The following TRERF1 variants were observed in gnomAD, a reference collection of about 807,000 sequenced individuals.
The protein encoded by TRERF1 is transcriptional regulating factor 1.
Under a neutral mutation model 122.9 loss-of-function variants are expected in TRERF1, and 27 were observed. The observed-to-expected ratio is 0.22, with a 90% confidence interval of 0.16 to 0.30. The LOEUF (loss-of-function observed/expected upper bound fraction) is 0.30, where lower values mean the gene tolerates loss of function less well. Ranked by LOEUF, TRERF1 falls within the 10% of genes least tolerant of loss-of-function variation. The probability of loss-of-function intolerance (pLI) is 1.00; values close to 1 mark genes in which losing one functional copy is unlikely to be tolerated. For synonymous variants in TRERF1, 636 were observed against 641.7 expected (o/e 0.99, Z 0.13); for missense variants, 1,248 against 1,560.3 (o/e 0.80, Z 3.37).
At chr6:42,335,877 T>C (rs1239180122) in intron 3 of TRERF1, among the ~76,000 whole-genome samples, 2 of 152,222 alleles carry the variant, frequency 1.3e-5, no homozygotes, top group Admixed American at 6.5e-5. Context: ...TGCCTGTTTA[T>C]GTAATAAACA....
chr6:42,434,548 A>G (rs1024569248), intron 2 of TRERF1, among the ~76,000 whole-genome samples: 2 of 151,790 alleles, frequency 1.3e-5, no homozygotes, highest in Admixed American at 1.3e-4. Context: ...TCTCCCAAAT[A>G]TGAAGGTGAA....
At chr6:42,292,260 CA>C (rs1420516969) in intron 4 of TRERF1, among the ~76,000 whole-genome samples, 1 of 152,170 alleles carries the variant, frequency 6.6e-6, no homozygotes, top group Admixed American at 6.5e-5. Flanking sequence ...GTTTCCTGGA[CA>C]ACCTTCAGCC....
intron 3 of TRERF1, among the ~76,000 whole-genome samples, chr6:42,337,402 T>C (rs1356875053): frequency 6.6e-6 from 1 of 152,176 alleles, no homozygotes; most frequent in African/African-American, 2.4e-5. Context: ...CTGGAGCAGG[T>C]CTGAGGCCCC....
At chr6:42,274,346 C>T (rs1244328527) in intron 4 of TRERF1, among the ~76,000 whole-genome samples, 2 of 152,148 alleles carry the variant, frequency 1.3e-5, no homozygotes, top group African/African-American at 4.8e-5. Flanking sequence ...GGGCCTAGAA[C>T]AGTGCCTCGC....
At chr6:42,346,201 GACCTCA>G (rs1768243672) in intron 3 of TRERF1, among the ~76,000 whole-genome samples, 1 of 152,186 alleles carries the variant, frequency 6.6e-6, no homozygotes, top group African/African-American at 2.4e-5. Context: ...ACAGGAGGTG[GACCTCA>G]GCACCTGTCA....
rs72856334 is a variant in TRERF1 at position 42,268,498 on chromosome 6, T to C, written c.1093A>G (p.Thr365Ala). The change falls in exon 5 of 18, where the codon ACT becomes GCT. Residue 365 changes from threonine to alanine, a missense_variant. By Grantham distance (58) the Thr-to-Ala change is moderately conservative. This residue lies in a region of TRERF1 where 946 missense variants were observed against 1,073.0 expected (regional missense o/e 0.88). Coordinates refer to ENST00000372922, the Ensembl canonical transcript of TRERF1. This position sits in a 1 kb window ranked among gnomAD's most constrained non-coding sequence, Gnocchi z 4.4. Reference sequence around the variant, plus strand: ...GAGCCCAGGGGAATCAGCTGGACAGTGTGTGCCTGCTCTGGGGTATACTGG... The same window carrying C: ...GAGCCCAGGGGAATCAGCTGGACAGCGTGTGCCTGCTCTGGGGTATACTGG... 6.1e-4 allele frequency: 984 copies of C among 1,612,996 alleles called. 1 individual carries two copies. Among genetic ancestry groups the C allele is most frequent in the Non-Finnish European group, 7.6e-4 (901 of 1,179,456 alleles).
At chr6:42,403,210 T>TA (rs1399827080) in intron 2 of TRERF1, among the ~76,000 whole-genome samples, 5 of 151,646 alleles carry the variant, frequency 3.3e-5, no homozygotes, top group Admixed American at 2.6e-4. Context: ...AAAAAGCAGG[T>TA]AAAAACGAGG....
chr6:42,292,018 AACTT>A (rs1383205096), intron 4 of TRERF1, among the ~76,000 whole-genome samples: 1 of 152,164 alleles, frequency 6.6e-6, no homozygotes, highest in African/African-American at 2.4e-5. Flanking sequence ...AGGCCTATCT[AACTT>A]CGCTTTTGAG....
At position 42,269,918 on chromosome 6, in the gene TRERF1, C is replaced by T. The variant is rs1452302625; in HGVS notation, c.-258-70G>A. ...TTTTGTGATGAGCAATTGATATCCA[C>T]CATGACCAGTGATAAAAATAAACAT... On this transcript the variant is annotated intron_variant, in intron 4 of 17. Coordinates refer to ENST00000372922, the Ensembl canonical transcript of TRERF1. This position sits in a 1 kb window ranked among gnomAD's most constrained non-coding sequence, Gnocchi z 4.9. 1.7e-5 allele frequency: 5 copies of T among 292,196 alleles called. No individual in the cohort carries two copies. The Admixed American group carries it at 2.4e-4, about 14-fold the overall frequency. 18.1% of individuals were successfully genotyped at this position (292,196 alleles called of 1,614,324 possible).
chr6:42,343,624 C>T (rs1283431264), intron 3 of TRERF1, among the ~76,000 whole-genome samples: 1 of 152,114 alleles, frequency 6.6e-6, no homozygotes, highest in African/African-American at 2.4e-5. Flanking sequence ...AAGGACAGAG[C>T]GTATGTGCAC....
At position 42,239,950 on chromosome 6, in the gene TRERF1, G is replaced by C. The variant is rs377191681; in HGVS notation, c.2859+3298C>G. On this transcript the variant is annotated intron_variant, in intron 15 of 17. Transcript: ENST00000372922. Reference sequence around the variant, plus strand: ...AGTAATGAGGGTGTGGACACTCCTGGCCCAGCCTAACACTGGCTCCTGGTG... The same window carrying C: ...AGTAATGAGGGTGTGGACACTCCTGCCCCAGCCTAACACTGGCTCCTGGTG... Among the ~76,000 whole-genome samples the C allele has an allele frequency of 1.1e-4, 16 of 152,056 alleles. No homozygotes were observed. In the East Asian group the frequency reaches 1.4e-3, roughly 13 times the overall value.
chr6:42,339,702 C>A (rs898351621), intron 3 of TRERF1, among the ~76,000 whole-genome samples: 3 of 152,192 alleles, frequency 2.0e-5, no homozygotes, highest in Non-Finnish European at 4.4e-5. Flanking sequence ...TGCAGACTGA[C>A]AGATCAACAA....
rs1281354707 is a variant in TRERF1 at position 42,269,011 on chromosome 6, C to T, written c.580G>A (p.Ala194Thr). ...TGGTAGCGGGAAGGGATAGCCGGTG[C>T]TGGGGGCTCCATGGGCTTCTGAGAC... Residue 194 changes from alanine (A) to threonine (T), a missense_variant, in exon 5 of 18, where the codon GCA becomes ACA. Ala to Thr is a moderately conservative substitution (Grantham distance 58). Around this residue, in one of 5 missense-constraint regions of TRERF1, gnomAD observed 946 missense variants for 1,073.0 expected, o/e 0.88. Coordinates refer to ENST00000372922, the Ensembl canonical transcript of TRERF1. The surrounding 1 kb of genome is among the most constrained non-coding windows in gnomAD (Gnocchi z 4.9). 6.2e-7 allele frequency: 1 copy of T among 1,613,806 alleles called. No homozygotes were observed. Among genetic ancestry groups the T allele is most frequent in the African/African-American group, 1.3e-5 (1 of 75,052 alleles).
rs1478467383 is a variant in TRERF1 at position 42,268,211 on chromosome 6, G to A, written c.1380C>T (p.His460=). The A allele has an allele frequency of 1.3e-6, 2 of 1,482,374 alleles. No individual in the cohort carries two copies. Among genetic ancestry groups the A allele is most frequent in the South Asian group, 1.5e-5 (1 of 66,524 alleles). 91.8% of individuals were successfully genotyped at this position (1,482,374 alleles called of 1,614,324 possible). A position where few individuals can be genotyped will look rare whatever the true frequency, so the allele number is the denominator to read the frequency against. ...GATGCTGAGGCCCCATGTTGTTGAGGTGGATCCCACTGGGGGATAGGAGGG... is the reference window on the plus strand; with the variant it reads ...GATGCTGAGGCCCCATGTTGTTGAGATGGATCCCACTGGGGGATAGGAGGG... Residue 460 remains histidine, a synonymous_variant, in exon 5 of 18, where the codon CAC becomes CAT. Coordinates refer to ENST00000372922, the Ensembl canonical transcript of TRERF1. The surrounding 1 kb of genome is among the most constrained non-coding windows in gnomAD (Gnocchi z 4.4).
At chr6:42,379,523 C>T (rs1775541809) in intron 2 of TRERF1, among the ~76,000 whole-genome samples, 1 of 152,036 alleles carries the variant, frequency 6.6e-6, no homozygotes, top group Admixed American at 6.6e-5. Flanking sequence ...TACTATATGT[C>T]AGGCATGTAT....
At chr6:42,418,759 T>C (rs554552692) in intron 2 of TRERF1, among the ~76,000 whole-genome samples, 2 of 152,306 alleles carry the variant, frequency 1.3e-5, no homozygotes, top group East Asian at 3.9e-4. Flanking sequence ...ACTCATTTTC[T>C]ATTCAAAAGA....
chr6:42,266,951 C>T (rs984550940), intron 5 of TRERF1, among the ~76,000 whole-genome samples: 1 of 152,210 alleles, frequency 6.6e-6, no homozygotes, highest in Non-Finnish European at 1.5e-5. Context: ...TATTTACTTT[C>T]CCAGCCTGGA....
intron 3 of TRERF1, among the ~76,000 whole-genome samples, chr6:42,312,953 G>A (rs888511839): frequency 7.2e-5 from 11 of 152,216 alleles, no homozygotes; most frequent in African/African-American, 2.2e-4. Context: ...GGGGCCTACA[G>A]ATTCCCCTCA....
chr6:42,237,183 C>T (rs1436352482), intron 15 of TRERF1, among the ~76,000 whole-genome samples: 2 of 152,194 alleles, frequency 1.3e-5, no homozygotes, highest in Non-Finnish European at 2.9e-5. Flanking sequence ...GGCCACTCTC[C>T]CCACTTCAGA....
Sources: gnomAD v4.1 joint callset for allele counts (sites outside exome capture counted in the v4.1 genomes callset) on GRCh38, gnomAD v4.1.1 for gene constraint, gnomAD v4.1.1 regional missense constraint, Gnocchi (gnomAD v3.1) non-coding constraint, MANE v1.5 for transcripts, NCBI Gene and HGNC (gene_info 2026-07-23, HGNC 2026-07-21) for gene names.